USP43: variants seen among roughly 807,000 people sequenced by gnomAD.
The protein encoded by USP43 is ubiquitin specific peptidase 43, also known as ubiquitin carboxyl-terminal hydrolase 43.
Under a neutral mutation model 90.7 loss-of-function variants are expected in USP43, and 33 were observed. The ratio of observed to expected loss-of-function variants is 0.36; its 90% CI spans 0.28 to 0.49. The LOEUF (loss-of-function observed/expected upper bound fraction) is 0.49, where lower values mean the gene tolerates loss of function less well. USP43 is among the 20% of genes least tolerant of loss of function. USP43 has a pLI of 0.98. For missense variants in USP43, 1,274 were observed against 1,476.4 expected, an observed-to-expected ratio of 0.86 and a Z score of 2.25; for synonymous variants, 598 against 615.8, an observed-to-expected ratio of 0.97 and a Z score of 0.43.
At chr17:9,665,051 C>A (rs144525102) in intron 2 of USP43, among the ~76,000 whole-genome samples, 363 of 152,262 alleles carry the variant, frequency 2.4e-3, no homozygotes, top group African/African-American at 8.2e-3. Flanking sequence ...TTTGGCATAA[C>A]AGGGCCTTAA....
intron 1 of USP43, among the ~76,000 whole-genome samples, chr17:9,653,358 C>G (rs1357624916): frequency 8.3e-6 from 1 of 119,956 alleles, no homozygotes; most frequent in African/African-American, 2.8e-5. Flanking sequence ...GAGGCCGAGG[C>G]GGGTGGATCA....
At chr17:9,711,690 G>T (rs765195786) in intron 13 of USP43, among the ~76,000 whole-genome samples, 1 of 152,084 alleles carries the variant, frequency 6.6e-6, no homozygotes, top group Non-Finnish European at 1.5e-5. Flanking sequence ...CTCGGCCTCC[G>T]TAAGTGCTGG....
Position 9,701,488 on chromosome 17 carries a change from A to T in USP43, c.1799A>T (p.Asn600Ile). Residue 600 changes from asparagine (N) to isoleucine (I), a missense_variant, in exon 12 of 15, where the codon AAC becomes ATC. Asn to Ile is a moderately radical substitution (Grantham distance 149). Transcript: ENST00000285199. This position sits in a 1 kb window ranked among gnomAD's most constrained non-coding sequence, Gnocchi z 7.2. ...KRFCQVGERR[N>I]KLSTLVKFPL... ...TTCTGCCAGGTGGGCGAGAGAAGAA[A>T]CAAGCTCTCCACGCTGGTGAAGTTT... The T allele has an allele frequency of 1.9e-6, 3 of 1,576,296 alleles. No individual in the cohort carries two copies. Among genetic ancestry groups the T allele is most frequent in the Non-Finnish European group, 2.6e-6 (3 of 1,160,980 alleles).
chr17:9,681,462 T>TATATATA (rs1555550104), intron 6 of USP43, among the ~76,000 whole-genome samples: 31 of 18,580 alleles, frequency 1.7e-3, no homozygotes, highest in Non-Finnish European at 2.3e-3. Context: ...ATAAAATATA[T>TATATATA]TATATATATA....
chr17:9,688,501 C>T (rs936430469), intron 8 of USP43, among the ~76,000 whole-genome samples: 6 of 151,656 alleles, frequency 4.0e-5, no homozygotes, highest in Admixed American at 6.6e-5. Context: ...CAGGCAAGCG[C>T]CACCACACCC....
At chr17:9,703,384 G>A (rs1041011612) in intron 12 of USP43, among the ~76,000 whole-genome samples, 5 of 152,206 alleles carry the variant, frequency 3.3e-5, no homozygotes, top group African/African-American at 4.8e-5. Context: ...TAGCATAGGC[G>A]TGAGAAGCGT....
At chr17:9,682,126 A>G (rs1914328547) in intron 6 of USP43, among the ~76,000 whole-genome samples, 1 of 152,198 alleles carries the variant, frequency 6.6e-6, no homozygotes, top group South Asian at 2.1e-4. Context: ...ATTCTCACCC[A>G]TCTCTATATA....
At chr17:9,646,281 T>A (rs931581862) in intron 1 of USP43, 145 bp downstream of exon 1, 11 of 1,126,576 alleles carry the variant, frequency 9.8e-6, no homozygotes, top group Non-Finnish European at 1.2e-5. Context: ...TTGTTTTGAG[T>A]CGATGTGTTA....
At chr17:9,675,843 G>A (rs1210308204) in intron 4 of USP43, among the ~76,000 whole-genome samples, 2 of 152,174 alleles carry the variant, frequency 1.3e-5, no homozygotes, top group African/African-American at 2.4e-5. Context: ...ATCAGATAAT[G>A]TCAACTTATA....
Position 9,676,770 on chromosome 17 carries a change from C to T in USP43, c.858C>T (p.Phe286=), listed in dbSNP as rs368390814. 1.2e-6 allele frequency: 2 copies of T among 1,613,726 alleles called. No homozygotes were observed. The highest frequency in any genetic ancestry group is 1.7e-5 in the Admixed American group (1 of 59,980). Residue 286 remains phenylalanine (F), a synonymous_variant, in exon 5 of 15, where the codon TTC becomes TTT. Coordinates refer to ENST00000285199, the MANE Select transcript of USP43 (RefSeq NM_153210.5). ...GGTTCTTGAGTGTCACCTTGGTCTT[C>T]CCCTCTAAGAGCCAGCGGTTCCTGC... ...QTRFLSVTLV[F]PSKSQRFLRV... is the part of the protein sequence containing the mutation.
In USP43 at chr17:9,685,900, C is replaced by G. The variant is rs894567208; in HGVS notation, c.1242-898C>G. Reference sequence around the variant, plus strand: ...AGTCACTCTATATTGCTATAGAACACTAGAGCTTATTTCTCCTATCTAGCT... The same window carrying G: ...AGTCACTCTATATTGCTATAGAACAGTAGAGCTTATTTCTCCTATCTAGCT... On this transcript the variant is annotated intron_variant, in intron 7 of 14. Transcript: ENST00000285199. 2.2e-4 allele frequency among the ~76,000 whole-genome samples: 34 copies of G among 152,314 alleles called. 1 individual carries two copies. In the Middle Eastern group the frequency reaches 0.01, roughly 46 times the overall value.
chr17:9,654,827 TC>T (rs1912121278), intron 1 of USP43, among the ~76,000 whole-genome samples: 1 of 151,500 alleles, frequency 6.6e-6, no homozygotes, highest in African/African-American at 2.4e-5. Flanking sequence ...AACCTCTACC[TC>T]CCGGGTTCAA....
intron 2 of USP43, among the ~76,000 whole-genome samples, chr17:9,666,410 G>T (rs1353014955): frequency 6.6e-6 from 1 of 152,160 alleles, no homozygotes; most frequent in Admixed American, 6.5e-5. Flanking sequence ...ATCCACCAAG[G>T]TTCAGGCTCA....
chr17:9,654,679 G>A (rs962649189), intron 1 of USP43, among the ~76,000 whole-genome samples: 3 of 150,736 alleles, frequency 2.0e-5, no homozygotes, highest in East Asian at 1.9e-4. Context: ...CTCAGAACCA[G>A]CATTTCAGTT....
At chr17:9,684,689 G>T (rs1011307496) in intron 7 of USP43, among the ~76,000 whole-genome samples, 2 of 151,354 alleles carry the variant, frequency 1.3e-5, no homozygotes, top group African/African-American at 4.9e-5. Flanking sequence ...CTTGAACCCG[G>T]GAGGCGGAGG....
chr17:9,659,562 C>T (rs1014727459), intron 2 of USP43, among the ~76,000 whole-genome samples: 3 of 152,074 alleles, frequency 2.0e-5, no homozygotes, highest in South Asian at 4.2e-4. Context: ...CTGCTGGCTG[C>T]GTAGGAAAAG....
chr17:9,650,605 G>T (rs1911787357), intron 1 of USP43, among the ~76,000 whole-genome samples: 2 of 152,146 alleles, frequency 1.3e-5, no homozygotes, highest in African/African-American at 4.8e-5. Context: ...GTTTCGCCAT[G>T]TTGGCCATGC....
chr17:9,702,774 T>A (rs1334279803), intron 12 of USP43, among the ~76,000 whole-genome samples: 1 of 152,074 alleles, frequency 6.6e-6, no homozygotes, highest in East Asian at 1.9e-4. Context: ...GTCATCGGGG[T>A]GAGCCTTAGG....
intron 4 of USP43, among the ~76,000 whole-genome samples, chr17:9,675,363 A>T (rs1913699407): frequency 6.6e-6 from 1 of 152,090 alleles, no homozygotes; most frequent in African/African-American, 2.4e-5. Flanking sequence ...CTTCTTTGAG[A>T]AGGTGCAGGA....
Sources: allele counts gnomAD v4.1 joint callset (sites outside exome capture counted in the v4.1 genomes callset), GRCh38; gene constraint gnomAD v4.1.1; non-coding constraint Gnocchi (gnomAD v3.1); transcripts MANE v1.5; gene names NCBI Gene and HGNC (gene_info 2026-07-23, HGNC 2026-07-21).